Variants in B3GALT1 observed in about 807,000 individuals in gnomAD.
B3GALT1 encodes beta-1,3-galactosyltransferase 1.
In B3GALT1, 10 loss-of-function variants were observed where a neutral mutation model predicts 23.2. The observed-to-expected ratio is 0.43, with a 90% confidence interval of 0.27 to 0.73. The LOEUF is 0.73. Among genes scored for constraint, B3GALT1 ranks in the 30% least tolerant of loss-of-function variants. B3GALT1 has a pLI of 0.21. For synonymous variants in B3GALT1, 156 were observed against 141.5 expected (o/e 1.10, Z -0.73); for missense variants, 299 against 405.4 (o/e 0.74, Z 2.25).
At chr2:167,784,302 A>G (rs367902225) in intron 3 of B3GALT1, among the ~76,000 whole-genome samples, 3 of 152,196 alleles carry the variant, frequency 2.0e-5, no homozygotes, top group African/African-American at 7.2e-5. Context: ...GCTGCTGAAG[A>G]TGCTGTCCAC....
At chr2:167,552,972 C>G (rs1329525021) in intron 2 of B3GALT1, among the ~76,000 whole-genome samples, 2 of 152,096 alleles carry the variant, frequency 1.3e-5, no homozygotes, top group South Asian at 4.1e-4. Context: ...GAGTTTTAAT[C>G]AAGTCTTCAG....
At chr2:167,589,843 G>C (rs1197063475) in intron 2 of B3GALT1, among the ~76,000 whole-genome samples, 1 of 152,114 alleles carries the variant, frequency 6.6e-6, no homozygotes, top group Non-Finnish European at 1.5e-5. Context: ...AGTATTGACA[G>C]TTATAATGCT....
Position 167,868,934 on chromosome 2 carries a change from C to G in B3GALT1, c.-106C>G. On this transcript the variant is annotated 5_prime_UTR_variant, in exon 5 of 5. It adds an upstream start codon to the 5' untranslated region. Transcript: ENST00000392690. ...CAATCTCCACCTCACGCTTCTCTAT[C>G]AAACTTGAAGATTTATTAGTAATAT... The G allele has an allele frequency of 7.3e-7, 1 of 1,365,164 alleles. No individual in the cohort carries two copies. The highest frequency in any genetic ancestry group is 1.0e-6 in the Non-Finnish European group (1 of 1,004,838). The allele number at this position is 1,365,164 out of a possible 1,614,324, so 84.6% of individuals were successfully genotyped here. A position where few individuals can be genotyped will look rare whatever the true frequency, so the allele number is the denominator to read the frequency against.
intron 2 of B3GALT1, among the ~76,000 whole-genome samples, chr2:167,506,154 C>T (rs536806025): frequency 1.3e-5 from 2 of 152,270 alleles, no homozygotes; most frequent in Admixed American, 1.3e-4. Flanking sequence ...AATGTAGATT[C>T]TCCCTCCTCT....
At chr2:167,376,767 C>T (rs986644157) in intron 1 of B3GALT1, among the ~76,000 whole-genome samples, 4 of 151,894 alleles carry the variant, frequency 2.6e-5, no homozygotes, top group Admixed American at 6.6e-5. Flanking sequence ...GTCTATCAAT[C>T]TTGTTTATCC....
intron 2 of B3GALT1, among the ~76,000 whole-genome samples, chr2:167,615,485 G>A (rs919810974): frequency 1.3e-5 from 2 of 151,928 alleles, no homozygotes; most frequent in African/African-American, 4.8e-5. Flanking sequence ...GCATAGTGAC[G>A]ACAGTTAATA....
At chr2:167,544,834 G>A (rs1024055006) in intron 2 of B3GALT1, among the ~76,000 whole-genome samples, 15 of 152,184 alleles carry the variant, frequency 9.9e-5, no homozygotes, top group Admixed American at 3.9e-4. Context: ...CGAAGGGTTC[G>A]TGGTCTCACG....
chr2:167,658,229 C>T (rs1171977939), intron 3 of B3GALT1, among the ~76,000 whole-genome samples: 1 of 151,640 alleles, frequency 6.6e-6, no homozygotes, highest in Non-Finnish European at 1.5e-5. Context: ...AATTAAAAAC[C>T]TAAACATGTA....
intron 2 of B3GALT1, among the ~76,000 whole-genome samples, chr2:167,599,374 A>C (rs1056669865): frequency 3.3e-5 from 5 of 152,226 alleles, no homozygotes; most frequent in African/African-American, 9.6e-5. Context: ...AACAAATCCA[A>C]AAACATAGAT....
At chr2:167,423,157 A>G (rs1357245190) in intron 1 of B3GALT1, among the ~76,000 whole-genome samples, 2 of 152,028 alleles carry the variant, frequency 1.3e-5, no homozygotes, top group Non-Finnish European at 2.9e-5. Context: ...TTGTCTCCCT[A>G]CTCTAACCTG....
chr2:167,320,605 C>T (rs1319122567), intron 1 of B3GALT1, among the ~76,000 whole-genome samples: 1 of 152,076 alleles, frequency 6.6e-6, no homozygotes, highest in East Asian at 1.9e-4. Flanking sequence ...TACCTCTTTG[C>T]TCTTTCTCTT....
chr2:167,767,321 G>T (rs1687995576), intron 3 of B3GALT1, among the ~76,000 whole-genome samples: 1 of 152,098 alleles, frequency 6.6e-6, no homozygotes, highest in South Asian at 2.1e-4. Context: ...CTTAAAATGA[G>T]TTATCCATTT....
chr2:167,829,458 G>A (rs576802045), intron 4 of B3GALT1, among the ~76,000 whole-genome samples: 20 of 151,248 alleles, frequency 1.3e-4, no homozygotes, highest in Non-Finnish European at 2.7e-4. Context: ...ACTCCAGCCC[G>A]GGTGACAGTG....
intron 1 of B3GALT1, among the ~76,000 whole-genome samples, chr2:167,447,684 G>C (rs1182951176): frequency 6.6e-6 from 1 of 152,102 alleles, no homozygotes; most frequent in African/African-American, 2.4e-5. Context: ...TAATCTCCTG[G>C]TGTGCCGTTT....
In B3GALT1 at chr2:167,696,408, GT is replaced by G. The variant is rs150081953; in HGVS notation, c.-352+49444del. The stretch of plus-strand genomic sequence containing the variant: ...TGTAGTAGGTGCTCAATTAATGATG[GT>G]TACTATGGTGATTATGTTGTACTAC... On this transcript the variant is annotated intron_variant, in intron 3 of 4. Coordinates refer to ENST00000392690, the MANE Select transcript of B3GALT1 (RefSeq NM_020981.4). Among the ~76,000 whole-genome samples, 1,175 of 151,756 alleles carry G rather than the reference GT, an allele frequency of 7.7e-3. 18 individuals are homozygous for G. Among genetic ancestry groups the G allele is most frequent in the African/African-American group, 0.027 (1,109 of 41,392 alleles).
intron 4 of B3GALT1, among the ~76,000 whole-genome samples, chr2:167,857,861 T>C (rs546388908): frequency 6.6e-6 from 1 of 152,218 alleles, no homozygotes; most frequent in East Asian, 1.9e-4. Context: ...TGAAAATTGC[T>C]AAGTCCCTCC....
intron 1 of B3GALT1, among the ~76,000 whole-genome samples, chr2:167,406,352 T>A (rs527273228): frequency 6.6e-6 from 1 of 152,080 alleles, no homozygotes; most frequent in Admixed American, 6.5e-5. Flanking sequence ...GAAACAAATA[T>A]AGAGCACCAG....
intron 1 of B3GALT1, among the ~76,000 whole-genome samples, chr2:167,441,423 G>A (rs1031254682): frequency 1.6e-4 from 25 of 152,134 alleles, no homozygotes; most frequent in African/African-American, 5.6e-4. Flanking sequence ...CCCAGTCTCT[G>A]CTGCCTCAGG....
chr2:167,782,132 C>T (rs1195232432), intron 3 of B3GALT1, among the ~76,000 whole-genome samples: 1 of 152,122 alleles, frequency 6.6e-6, no homozygotes, highest in Non-Finnish European at 1.5e-5. Flanking sequence ...GCTAAAACTA[C>T]AATAGTAAGT....
Sources: gnomAD v4.1 joint callset for allele counts (sites outside exome capture counted in the v4.1 genomes callset) on GRCh38, gnomAD v4.1.1 for gene constraint, MANE v1.5 for transcripts, NCBI Gene and HGNC (gene_info 2026-07-23, HGNC 2026-07-21) for gene names.